The following TERF1 variants were observed in gnomAD, a reference collection of about 807,000 sequenced individuals.
TERF1 encodes telomeric repeat-binding factor 1.
A neutral mutation model predicts 55.1 loss-of-function variants in TERF1; 20 were observed. The ratio of observed to expected loss-of-function variants is 0.36; its 90% CI spans 0.26 to 0.53. The LOEUF (loss-of-function observed/expected upper bound fraction) is 0.53. TERF1 is among the 20% of genes least tolerant of loss of function. The pLI is 0.91. For missense variants in TERF1, 439 were observed against 535.7 expected (o/e 0.82, Z 1.78); for synonymous variants, 168 against 181.2 (o/e 0.93, Z 0.59).
chr8:73,032,146 A>G lies in TERF1; in HGVS notation c.1039+13A>G, dbSNP rs957708141. On this transcript the variant is annotated intron_variant, in intron 8 of 9. Transcript: ENST00000276603. The stretch of plus-strand genomic sequence containing the variant: ...GGAACTCCTCAAAGTGAGTACTGTT[A>G]TAACAGTTTTAGAAGGGGAGAATTG... 2.5e-6 allele frequency: 4 copies of G among 1,583,826 alleles called. No individual in the cohort carries two copies. Among genetic ancestry groups the G allele is most frequent in the African/African-American group, 1.4e-5 (1 of 73,900 alleles).
chr8:73,024,676 A>C, intron 4 of TERF1, 146 bp from the exon 5 acceptor site: 1 of 591,280 alleles, frequency 1.7e-6, no homozygotes, highest in Non-Finnish European at 2.8e-6. Flanking sequence ...GTACATTGGC[A>C]TGCCATTTAA....
chr8:73,020,233 C>A (rs917150766), intron 2 of TERF1, among the ~76,000 whole-genome samples: 4 of 152,172 alleles, frequency 2.6e-5, no homozygotes, highest in Admixed American at 6.6e-5. Flanking sequence ...AACTTGATCA[C>A]AACTCTTTTA....
At chr8:73,015,869 A>T (rs1348086110) in intron 2 of TERF1, among the ~76,000 whole-genome samples, 2 of 152,142 alleles carry the variant, frequency 1.3e-5, no homozygotes, top group African/African-American at 2.4e-5. Context: ...GCTAAAAAAT[A>T]ATAATGATAA....
chr8:73,030,381 A>T lies in TERF1; in HGVS notation c.933A>T (p.Thr311=). Residue 311 remains threonine (T), a synonymous_variant, in exon 7 of 10, where the codon ACA becomes ACT. Transcript: ENST00000276603. ...QSAVTESSEG[T]VSLLRSHKNL... ...CGGTAACTGAATCCTCAGAGGGTAC[A>T]GTATCCTTATTGAGGTGAAGTAAAT... 1 of 1,515,920 alleles carries T rather than the reference A, an allele frequency of 6.6e-7. No individual in the cohort carries two copies. Among genetic ancestry groups the T allele is most frequent in the Non-Finnish European group, 8.8e-7 (1 of 1,141,352 alleles). The allele number at this position is 1,515,920 out of a possible 1,614,324, so 93.9% of individuals were successfully genotyped here. A position where few individuals can be genotyped will look rare whatever the true frequency, so the allele number is the denominator to read the frequency against.
chr8:73,017,726 CAG>C (rs1394154668), intron 2 of TERF1, among the ~76,000 whole-genome samples: 1 of 144,302 alleles, frequency 6.9e-6, no homozygotes, highest in Non-Finnish European at 1.5e-5. Flanking sequence ...TTTTTTGAGA[CAG>C]AGTCTCACTC....
In TERF1 at chr8:73,047,962, C is replaced by G. The variant is rs866889586; in HGVS notation, c.*1825C>G. On this transcript the variant is annotated 3_prime_UTR_variant, in exon 10 of 10. Transcript: ENST00000276603. Reference sequence around the variant, plus strand: ...ACACACACAACTAGAAAAGAAAAATCGGTATCAATTATAGTATGGTGCTTT... The same window carrying G: ...ACACACACAACTAGAAAAGAAAAATGGGTATCAATTATAGTATGGTGCTTT... 2 of 152,126 alleles carry G rather than the reference C, an allele frequency of 1.3e-5. No individual in the cohort carries two copies. 9.4% of individuals were successfully genotyped at this position (152,126 alleles called of 1,614,324 possible). A position where few individuals can be genotyped will look rare whatever the true frequency, so the allele number is the denominator to read the frequency against.
intron 2 of TERF1, among the ~76,000 whole-genome samples, chr8:73,016,637 AG>A (rs2129742286): frequency 6.6e-6 from 1 of 152,102 alleles, no homozygotes; most frequent in South Asian, 2.1e-4. Context: ...CATGTTGTCC[AG>A]GCTGGTCTTG....
chr8:73,019,675 A>G (rs1226769055), intron 2 of TERF1, among the ~76,000 whole-genome samples: 1 of 152,142 alleles, frequency 6.6e-6, no homozygotes, highest in East Asian at 1.9e-4. Flanking sequence ...GACTACAGGC[A>G]CACGCCCCCA....
chr8:73,042,382 C>T (rs555735112), intron 9 of TERF1, among the ~76,000 whole-genome samples: 1 of 151,964 alleles, frequency 6.6e-6, no homozygotes, highest in Non-Finnish European at 1.5e-5. Flanking sequence ...TATTTTTTAG[C>T]TTTCCGTTGT....
intron 7 of TERF1, 120 bp downstream of exon 7, chr8:73,030,515 G>C: frequency 3.2e-6 from 2 of 619,102 alleles, no homozygotes; most frequent in South Asian, 3.5e-5. Context: ...CAGGGTCCTA[G>C]TTAGCCCAAC....
intron 2 of TERF1, among the ~76,000 whole-genome samples, chr8:73,019,916 C>T (rs1808678193): frequency 6.6e-6 from 1 of 152,024 alleles, no homozygotes. Context: ...TTCTTCTAGC[C>T]CTTACTACTC....
chr8:73,036,699 G>A (rs566681004), intron 8 of TERF1, among the ~76,000 whole-genome samples: 1 of 151,296 alleles, frequency 6.6e-6, no homozygotes, highest in South Asian at 2.1e-4. Flanking sequence ...CCTACCACAT[G>A]CTTTAACTCA....
At chr8:73,026,020 C>A (rs1251930190) in intron 5 of TERF1, among the ~76,000 whole-genome samples, 1 of 149,494 alleles carries the variant, frequency 6.7e-6, no homozygotes, top group African/African-American at 2.5e-5. Context: ...CATGGCAAAA[C>A]CCCATCTCTA....
rs1310999294 is a variant in TERF1 at position 73,045,992 on chromosome 8, G to T, written c.1175G>T (p.Arg392Ile). ...CTTTGGGAAGAAGACAAGAATTTGA[G>T]ATCTGGCGTGAGGAAATATGGAGAG... ...AWLWEEDKNL[R>I]SGVRKYGEGN... Residue 392 changes from arginine to isoleucine, a missense_variant, in exon 10 of 10, where the codon AGA becomes ATA. By Grantham distance (97) the Arg-to-Ile change is moderately conservative (BLOSUM62 -3). Transcript: ENST00000276603. The T allele has an allele frequency of 2.5e-6, 4 of 1,596,030 alleles. No homozygotes were observed. Among genetic ancestry groups the T allele is most frequent in the Non-Finnish European group, 3.4e-6 (4 of 1,173,152 alleles).
chr8:73,014,397 CT>C (rs1399699135), intron 2 of TERF1, among the ~76,000 whole-genome samples: 4 of 151,616 alleles, frequency 2.6e-5, no homozygotes, highest in Non-Finnish European at 5.9e-5. Flanking sequence ...ACTCTATTTG[CT>C]AACTTTGTGG....
rs55728309 is a variant in TERF1 at position 73,019,805 on chromosome 8, G to A, written c.416-879G>A. Among the ~76,000 whole-genome samples, 364 of 152,164 alleles carry A rather than the reference G, an allele frequency of 2.4e-3. 1 individual carries two copies. The highest frequency in any genetic ancestry group is 8.3e-3 in the African/African-American group (344 of 41,514). ...GACTGTTCCTTCTGCTTCACATTACGCTGTTCTCAGCTCCACTGTCACTTC... is the reference window on the plus strand; with the variant it reads ...GACTGTTCCTTCTGCTTCACATTACACTGTTCTCAGCTCCACTGTCACTTC... On this transcript the variant is annotated intron_variant, in intron 2 of 9. Transcript: ENST00000276603.
chr8:73,026,223 C>T (rs1563463406), intron 5 of TERF1, among the ~76,000 whole-genome samples: 1 of 147,576 alleles, frequency 6.8e-6, no homozygotes, highest in Non-Finnish European at 1.5e-5. Flanking sequence ...TCTAGTCAGG[C>T]GCGGTAACTC....
intron 1 of TERF1, 198 bp downstream of exon 1, chr8:73,009,403 A>C: frequency 1.7e-6 from 1 of 578,544 alleles, no homozygotes; most frequent in Middle Eastern, 4.2e-4. Context: ...TCTCAGATTG[A>C]TTTCCTCTTC....
chr8:73,015,990 C>T (rs952509758), intron 2 of TERF1, among the ~76,000 whole-genome samples: 31 of 152,170 alleles, frequency 2.0e-4, no homozygotes, highest in African/African-American at 7.5e-4. Context: ...GCACATGGCT[C>T]ACACCTGTAA....
Sources: gnomAD v4.1 joint callset for allele counts (sites outside exome capture counted in the v4.1 genomes callset) on GRCh38, gnomAD v4.1.1 for gene constraint, MANE v1.5 for transcripts, NCBI Gene and HGNC (gene_info 2026-07-23, HGNC 2026-07-21) for gene names.